GRID2: variants seen among roughly 807,000 people sequenced by gnomAD.
GRID2 encodes the protein glutamate ionotropic receptor delta type subunit 2.
GRID2 carries 33 observed loss-of-function variants against 114.8 expected under a neutral mutation model. The ratio of observed to expected loss-of-function variants is 0.29; its 90% confidence interval spans 0.22 to 0.38. GRID2 has a LOEUF of 0.38. GRID2 is among the 10% of genes least tolerant of loss of function. GRID2 has a pLI of 1.00. For missense variants in GRID2, 1,184 were observed against 1,257.7 expected, an observed-to-expected ratio of 0.94 and a Z score of 0.89; for synonymous variants, 505 against 449.9, an observed-to-expected ratio of 1.12 and a Z score of -1.55.
chr4:92,850,955 G>T lies in GRID2; in HGVS notation c.245-234040G>T, dbSNP rs545753866. Among the ~76,000 whole-genome samples, 7 of 151,964 alleles carry T rather than the reference G, an allele frequency of 4.6e-5. No individual in the cohort carries two copies. In the East Asian group the frequency reaches 1.4e-3, roughly 29 times the overall value. Reference sequence around the variant, plus strand: ...AGGAAGGCATTAAAATCATTTCATTGCCACAGGTGTGTGCATATGCACATG... The same window carrying T: ...AGGAAGGCATTAAAATCATTTCATTTCCACAGGTGTGTGCATATGCACATG... On this transcript the variant is annotated intron_variant, in intron 2 of 15. Coordinates refer to ENST00000282020, the MANE Select transcript of GRID2 (RefSeq NM_001510.4).
Position 92,669,591 on chromosome 4 carries a change from A to G in GRID2, c.244+79305A>G, listed in dbSNP as rs542639262. ...AATATATAGGACCATAAAGCAAATG[A>G]AACTTGTGAACAGCCGCCAGAGTTG... On this transcript the variant is annotated intron_variant, in intron 2 of 15. Transcript: ENST00000282020. 9.2e-5 allele frequency among the ~76,000 whole-genome samples: 14 copies of G among 152,078 alleles called. No individual in the cohort carries two copies. The South Asian group carries it at 2.9e-3, about 32-fold the overall frequency.
At chr4:93,716,946 G>A (rs1306836023) in intron 14 of GRID2, among the ~76,000 whole-genome samples, 1 of 152,048 alleles carries the variant, frequency 6.6e-6, no homozygotes, top group East Asian at 1.9e-4. Flanking sequence ...AATAGAGCTG[G>A]AATTCTTTTT....
chr4:93,126,358 A>G (rs1325745727), intron 4 of GRID2, among the ~76,000 whole-genome samples: 2 of 152,074 alleles, frequency 1.3e-5, no homozygotes, highest in African/African-American at 4.8e-5. Flanking sequence ...TAATTGGCAT[A>G]ATACTTTAGA....
chr4:93,056,682 C>T (rs145787677), intron 2 of GRID2, among the ~76,000 whole-genome samples: 3 of 151,842 alleles, frequency 2.0e-5, no homozygotes, highest in Non-Finnish European at 2.9e-5. Flanking sequence ...CAGTTATATT[C>T]GTGCATGATA....
At chr4:93,592,741 A>G (rs182107232) in intron 13 of GRID2, among the ~76,000 whole-genome samples, 1 of 152,146 alleles carries the variant, frequency 6.6e-6, no homozygotes, top group African/African-American at 2.4e-5. Context: ...CTGGGTGCTC[A>G]TGTATTGGGT....
intron 2 of GRID2, among the ~76,000 whole-genome samples, chr4:93,084,718 G>T (rs1438392141): frequency 6.6e-6 from 1 of 152,122 alleles, no homozygotes; most frequent in Non-Finnish European, 1.5e-5. Context: ...CAATAATCCT[G>T]CGAGATTCAT....
chr4:93,502,141 A>G (rs1009023880), intron 12 of GRID2, among the ~76,000 whole-genome samples: 9 of 152,074 alleles, frequency 5.9e-5, no homozygotes, highest in Non-Finnish European at 1.3e-4. Flanking sequence ...GCAAGACTGG[A>G]GTTGGCAGCC....
chr4:93,198,391 A>G (rs561510778), intron 4 of GRID2, among the ~76,000 whole-genome samples: 13 of 152,246 alleles, frequency 8.5e-5, no homozygotes, highest in Middle Eastern at 6.8e-3. Context: ...CAGAGACCTA[A>G]ATGAAATGAA....
intron 13 of GRID2, among the ~76,000 whole-genome samples, chr4:93,535,980 T>C (rs1347232496): frequency 1.3e-5 from 2 of 151,966 alleles, no homozygotes; most frequent in Non-Finnish European, 2.9e-5. Flanking sequence ...CATAAATTTA[T>C]GCCAAGATAA....
chr4:93,553,682 A>T (rs1734007070), intron 13 of GRID2, among the ~76,000 whole-genome samples: 1 of 152,200 alleles, frequency 6.6e-6, no homozygotes, highest in East Asian at 1.9e-4. Flanking sequence ...TTAAAAGTTA[A>T]TCCACAAGTT....
At chr4:92,911,932 T>A (rs1311219827) in intron 2 of GRID2, among the ~76,000 whole-genome samples, 1 of 151,804 alleles carries the variant, frequency 6.6e-6, no homozygotes, top group Non-Finnish European at 1.5e-5. Context: ...AAGCTTCCAG[T>A]TTTTCCTGTT....
chr4:93,393,948 G>A (rs889455271), intron 8 of GRID2, among the ~76,000 whole-genome samples: 7 of 151,968 alleles, frequency 4.6e-5, no homozygotes, highest in South Asian at 2.1e-4. Context: ...TATTCGTTAA[G>A]CTTAAAATTA....
intron 2 of GRID2, among the ~76,000 whole-genome samples, chr4:92,714,577 T>A (rs894121153): frequency 2.6e-5 from 4 of 152,214 alleles, no homozygotes; most frequent in Non-Finnish European, 4.4e-5. Flanking sequence ...CACAAACTTC[T>A]GCCTAGACAT....
chr4:92,581,070 A>G (rs921976707), intron 1 of GRID2, among the ~76,000 whole-genome samples: 3 of 151,912 alleles, frequency 2.0e-5, no homozygotes, highest in African/African-American at 4.8e-5. Context: ...AACATAGCAC[A>G]CAAGGTTCTG....
intron 13 of GRID2, among the ~76,000 whole-genome samples, chr4:93,551,600 GAGATA>G (rs1733759456): frequency 6.6e-6 from 1 of 152,184 alleles, no homozygotes; most frequent in Non-Finnish European, 1.5e-5. Context: ...AAAGCACATA[GAGATA>G]AAACCTCTTA....
chr4:93,293,390 C>T (rs1579570700), intron 8 of GRID2, among the ~76,000 whole-genome samples: 1 of 151,888 alleles, frequency 6.6e-6, no homozygotes, highest in African/African-American at 2.4e-5. Context: ...AGAAATTTAA[C>T]GAAGTTAATT....
intron 2 of GRID2, among the ~76,000 whole-genome samples, chr4:92,675,476 G>C (rs1733297538): frequency 6.6e-6 from 1 of 151,166 alleles, no homozygotes; most frequent in African/African-American, 2.4e-5. Context: ...AGGCCACAGG[G>C]ACTCCAAACT....
chr4:93,465,950 A>G (rs1724224096), intron 11 of GRID2, among the ~76,000 whole-genome samples: 1 of 152,226 alleles, frequency 6.6e-6, no homozygotes, highest in Non-Finnish European at 1.5e-5. Flanking sequence ...AATACAACAA[A>G]TTAATGAACC....
rs181292921 is a variant in GRID2 at position 93,514,610 on chromosome 4, T to C, written c.1998-606T>C. Among the ~76,000 whole-genome samples, 34 of 152,236 alleles carry C rather than the reference T, an allele frequency of 2.2e-4. No homozygotes were observed. In the East Asian group the frequency reaches 6.6e-3, roughly 29 times the overall value. Reference sequence around the variant, plus strand: ...ATGACACACTGATCAAGTCACTTATTCTCTCAACCTCAGTCTCTTCCTCTA... The same window carrying C: ...ATGACACACTGATCAAGTCACTTATCCTCTCAACCTCAGTCTCTTCCTCTA... On this transcript the variant is annotated intron_variant, in intron 12 of 15. Coordinates refer to ENST00000282020, the MANE Select transcript of GRID2 (RefSeq NM_001510.4).
Sources: gnomAD v4.1 joint callset for allele counts (sites outside exome capture counted in the v4.1 genomes callset) on GRCh38, gnomAD v4.1.1 for gene constraint, MANE v1.5 for transcripts, NCBI Gene and HGNC (gene_info 2026-07-23, HGNC 2026-07-21) for gene names.